Variants in PARL observed in about 807,000 individuals in gnomAD.
PARL encodes the protein presenilin associated rhomboid like.
Under a neutral mutation model 51.6 loss-of-function variants are expected in PARL, and 44 were observed. The observed-to-expected ratio is 0.85, with a 90% CI of 0.67 to 1.10. The LOEUF is 1.10. PARL is among the 50% of genes least tolerant of loss of function. PARL has a pLI of 0.00. For missense variants in PARL, 441 were observed against 469.5 expected, an observed-to-expected ratio of 0.94 and a Z score of 0.56; for synonymous variants, 172 against 164.0, an observed-to-expected ratio of 1.05 and a Z score of -0.37.
chr3:183,858,417 G>A (rs758353348), intron 4 of PARL, among the ~76,000 whole-genome samples: 2 of 152,242 alleles, frequency 1.3e-5, no homozygotes, highest in Non-Finnish European at 2.9e-5. Flanking sequence ...AAAGACTGGA[G>A]AGTAGTAGTG....
At position 183,884,874 on chromosome 3, in the gene PARL, C is replaced by A; in HGVS notation, c.-28G>T. On this transcript the variant is annotated 5_prime_UTR_variant, in exon 1 of 10. Transcript: ENST00000317096. ...TCCCAACCTCTGCCCCACCATGGCC[C>A]GACCTTACCAACCCCAGCTGCGCAA... 6.3e-7 allele frequency: 1 copy of A among 1,595,992 alleles called. No individual in the cohort carries two copies. Among genetic ancestry groups the A allele is most frequent in the Non-Finnish European group, 8.5e-7 (1 of 1,179,186 alleles).
At chr3:183,850,878 A>G (rs979660113) in intron 4 of PARL, among the ~76,000 whole-genome samples, 1 of 152,238 alleles carries the variant, frequency 6.6e-6, no homozygotes, top group African/African-American at 2.4e-5. Context: ...TGGAAGACTC[A>G]CAATTCATAG....
chr3:183,841,654 A>G (rs769750364), intron 6 of PARL, among the ~76,000 whole-genome samples: 5 of 152,358 alleles, frequency 3.3e-5, no homozygotes, highest in Non-Finnish European at 7.3e-5. Flanking sequence ...ACATTTTACA[A>G]ACAGAGAGGT....
In PARL at chr3:183,868,011, T is replaced by C; in HGVS notation, c.175A>G (p.Lys59Glu). The C allele has an allele frequency of 6.2e-7, 1 of 1,614,220 alleles. No individual in the cohort carries two copies. The highest frequency in any genetic ancestry group is 1.3e-5 in the African/African-American group (1 of 75,058). ...GGGTCTGATCTTCGAGGTTCAACCT[T>C]CCTGGGTGCTTTTCTGAATCCGCAT... ...QKCGFRKAPR[K>E]VEPRRSDPGT... Residue 59 changes from lysine to glutamate, a missense_variant, in exon 2 of 10, where the codon AAG becomes GAG. Transcript: ENST00000317096.
chr3:183,834,332 T>G (rs748868222), intron 7 of PARL, among the ~76,000 whole-genome samples: 28 of 152,190 alleles, frequency 1.8e-4, no homozygotes, highest in Admixed American at 7.2e-4. Context: ...GAGGATCCCT[T>G]AAGCCCAGGA....
chr3:183,847,498 A>G (rs1730092744), intron 4 of PARL, among the ~76,000 whole-genome samples: 1 of 152,106 alleles, frequency 6.6e-6, no homozygotes, highest in Non-Finnish European at 1.5e-5. Flanking sequence ...CAGGAGGTCA[A>G]GTCTGCAGTG....
chr3:183,861,277 G>A, intron 4 of PARL: 1 of 968,104 alleles, frequency 1.0e-6, no homozygotes. Context: ...CAATCCCTTG[G>A]TTAAGATTCC....
At chr3:183,854,620 T>TC (rs1730928055) in intron 4 of PARL, among the ~76,000 whole-genome samples, 2 of 151,228 alleles carry the variant, frequency 1.3e-5, no homozygotes, top group East Asian at 3.9e-4. Context: ...ATGAGTAGAG[T>TC]TTCAGATCTG....
At chr3:183,861,159 C>G (rs1731784992) in intron 4 of PARL, 1 of 452,002 alleles carries the variant, frequency 2.2e-6, no homozygotes, top group Non-Finnish European at 2.9e-6. Context: ...ATACATTAAT[C>G]TAGTGGAAAC....
chr3:183,860,689 T>C (rs1731713656), intron 4 of PARL, among the ~76,000 whole-genome samples: 1 of 152,218 alleles, frequency 6.6e-6, no homozygotes, highest in Admixed American at 6.5e-5. Context: ...CTAGGCTTCT[T>C]CATATGTTAA....
chr3:183,854,219 G>A (rs181261629), intron 4 of PARL, among the ~76,000 whole-genome samples: 11 of 152,270 alleles, frequency 7.2e-5, no homozygotes, highest in Middle Eastern at 3.4e-3. Context: ...TCCAGCCCAC[G>A]CGACAGAGTG....
downstream of PARL, chr3:183,826,524 G>A: frequency 2.6e-6 from 2 of 770,960 alleles, no homozygotes; most frequent in Non-Finnish European, 3.2e-6. Context: ...GGTTGTACTT[G>A]GAAGGTATCC....
At chr3:183,878,300 G>A (rs1734073694) in intron 1 of PARL, among the ~76,000 whole-genome samples, 1 of 152,140 alleles carries the variant, frequency 6.6e-6, no homozygotes, top group South Asian at 2.1e-4. Context: ...GGCCGACTCT[G>A]GACCTTGCAC....
At chr3:183,838,581 T>C (rs902564052) in intron 7 of PARL, among the ~76,000 whole-genome samples, 2 of 152,200 alleles carry the variant, frequency 1.3e-5, no homozygotes, top group Middle Eastern at 3.2e-3. Context: ...ACCATGTGCT[T>C]CTTATTGTGC....
chr3:183,873,031 T>C (rs1733392907), intron 1 of PARL, among the ~76,000 whole-genome samples: 2 of 152,206 alleles, frequency 1.3e-5, no homozygotes, highest in Admixed American at 1.3e-4. Context: ...GTATTCCTGG[T>C]ATAATTTTTA....
chr3:183,851,690 A>AT (rs1466245267), intron 4 of PARL, among the ~76,000 whole-genome samples: 10 of 152,156 alleles, frequency 6.6e-5, no homozygotes, highest in Admixed American at 3.9e-4. Context: ...TCCAGAATAT[A>AT]TAAAAAAAAA....
intron 1 of PARL, among the ~76,000 whole-genome samples, chr3:183,880,313 T>G (rs770575791): frequency 6.6e-6 from 1 of 152,126 alleles, no homozygotes; most frequent in Non-Finnish European, 1.5e-5. Context: ...TGCCAGGAAC[T>G]AGTGATTTGG....
chr3:183,827,811 TAC>T (rs1452332089), downstream of PARL, among the ~76,000 whole-genome samples: 1 of 152,026 alleles, frequency 6.6e-6, no homozygotes, highest in Non-Finnish European at 1.5e-5. Flanking sequence ...TTACTAAGAG[TAC>T]AGAGAGATTC....
rs1320150218 is a variant in PARL, at chr3:183,829,508, C to T, written c.*90G>A. On this transcript the variant is annotated 3_prime_UTR_variant, in exon 10 of 10. Coordinates refer to ENST00000317096, the MANE Select transcript of PARL (RefSeq NM_018622.7). ...AGGCCAGATGCTGGCATCTTCCAGA[C>T]GGGAGCATAGCCATGGTCACTCTAG... The T allele has an allele frequency of 1.2e-5, 20 of 1,612,802 alleles. No homozygotes were observed. Among genetic ancestry groups the T allele is most frequent in the East Asian group, 4.5e-5 (2 of 44,898 alleles).
Sources: allele counts gnomAD v4.1 joint callset (sites outside exome capture counted in the v4.1 genomes callset), GRCh38; gene constraint gnomAD v4.1.1; transcripts MANE v1.5; gene names NCBI Gene and HGNC (gene_info 2026-07-23, HGNC 2026-07-21).